The following PTPRK variants were observed in gnomAD, a reference collection of about 807,000 sequenced individuals.
PTPRK encodes protein tyrosine phosphatase receptor type K, also known as receptor-type tyrosine-protein phosphatase kappa.
PTPRK carries 75 observed loss-of-function variants against 178.0 expected under a neutral mutation model. That is an observed-to-expected ratio of 0.42 (90% CI 0.35 to 0.51). The LOEUF is 0.51. PTPRK is among the 20% of genes least tolerant of loss of function. The pLI is 0.02. For missense variants in PTPRK, 1,441 were observed against 1,797.8 expected, an observed-to-expected ratio of 0.80 and a Z score of 3.59; for synonymous variants, 637 against 620.6, an observed-to-expected ratio of 1.03 and a Z score of -0.39.
chr6:128,108,475 A>C (rs1414263545), intron 7 of PTPRK, among the ~76,000 whole-genome samples: 1 of 152,190 alleles, frequency 6.6e-6, no homozygotes, highest in East Asian at 1.9e-4. Flanking sequence ...TAAATTTTAC[A>C]AAAGAGGAAA....
intron 7 of PTPRK, among the ~76,000 whole-genome samples, chr6:128,139,709 G>A (rs1795504421): frequency 1.3e-5 from 2 of 151,936 alleles, no homozygotes; most frequent in Non-Finnish European, 2.9e-5. Context: ...TTTCTGATGA[G>A]TCATCTGGAC....
chr6:128,370,946 A>G (rs773717408), intron 2 of PTPRK, among the ~76,000 whole-genome samples: 1 of 152,136 alleles, frequency 6.6e-6, no homozygotes, highest in Non-Finnish European at 1.5e-5. Flanking sequence ...TAAGTTTACC[A>G]TGTCTTGTGG....
At position 128,432,443 on chromosome 6, in the gene PTPRK, C is replaced by A. The variant is rs180966929; in HGVS notation, c.101-34755G>T. Among the ~76,000 whole-genome samples the A allele has an allele frequency of 2.4e-4, 36 of 152,214 alleles. No homozygotes were observed. In the East Asian group the frequency reaches 4.6e-3, roughly 20 times the overall value. On this transcript the variant is annotated intron_variant, in intron 1 of 29. Coordinates refer to ENST00000368226, the MANE Select transcript of PTPRK (RefSeq NM_002844.4). ...ATTTTTCTTATTATAAAACTCTGTCCATTTATAGTTATGTAATAATGAGCC... is the reference window on the plus strand; with the variant it reads ...ATTTTTCTTATTATAAAACTCTGTCAATTTATAGTTATGTAATAATGAGCC...
chr6:128,033,093 T>C (rs1345817048), intron 13 of PTPRK, among the ~76,000 whole-genome samples: 1 of 152,206 alleles, frequency 6.6e-6, no homozygotes, highest in Non-Finnish European at 1.5e-5. Flanking sequence ...GGGATAGATG[T>C]AGGAAATCTA....
chr6:128,058,015 T>C (rs1328971855), intron 13 of PTPRK, among the ~76,000 whole-genome samples: 1 of 152,244 alleles, frequency 6.6e-6, no homozygotes, highest in Non-Finnish European at 1.5e-5. Context: ...TTGCATTCTT[T>C]GCTTTAGAGC....
intron 7 of PTPRK, among the ~76,000 whole-genome samples, chr6:128,091,316 A>C (rs967900855): frequency 6.6e-6 from 1 of 152,190 alleles, no homozygotes; most frequent in Non-Finnish European, 1.5e-5. Flanking sequence ...GAGGCTTTCT[A>C]ATTATTTTAA....
At chr6:128,275,009 G>GA (rs143440286) in intron 3 of PTPRK, among the ~76,000 whole-genome samples, 4 of 151,962 alleles carry the variant, frequency 2.6e-5, no homozygotes, top group Middle Eastern at 3.4e-3. Flanking sequence ...CCAAAGAGAA[G>GA]AAAAAAATAA....
intron 21 of PTPRK, 120 bp from the exon 22 acceptor site, chr6:127,985,995 G>A: frequency 1.1e-6 from 1 of 933,326 alleles, no homozygotes; most frequent in East Asian, 2.7e-5. Flanking sequence ...CTTTACGAAA[G>A]ACTATGCCTT....
intron 15 of PTPRK, among the ~76,000 whole-genome samples, chr6:128,001,978 C>T (rs1777882527): frequency 6.6e-6 from 1 of 151,836 alleles, no homozygotes; most frequent in South Asian, 2.1e-4. Flanking sequence ...TGATTTATGG[C>T]TCCTCCCTGT....
At chr6:128,003,502 A>G (rs141861134) in intron 15 of PTPRK, among the ~76,000 whole-genome samples, 1 of 151,810 alleles carries the variant, frequency 6.6e-6, no homozygotes, top group Non-Finnish European at 1.5e-5. Context: ...AGAAAAAAAA[A>G]CCCATGTATT....
At chr6:128,094,457 T>C (rs1246987734) in intron 7 of PTPRK, among the ~76,000 whole-genome samples, 2 of 152,168 alleles carry the variant, frequency 1.3e-5, no homozygotes, top group East Asian at 3.9e-4. Context: ...ATTTGAGTTA[T>C]GTGAATGGAT....
chr6:128,300,297 T>C (rs980364600), intron 3 of PTPRK, among the ~76,000 whole-genome samples: 1 of 152,076 alleles, frequency 6.6e-6, no homozygotes, highest in African/African-American at 2.4e-5. Context: ...GTTCAACCCC[T>C]GTGGAAGTCA....
At position 128,333,324 on chromosome 6, in the gene PTPRK, A is replaced by T. The variant is rs908879903; in HGVS notation, c.224-11014T>A. On this transcript the variant is annotated intron_variant, in intron 2 of 29. Transcript: ENST00000368226. ...AAGAGAATGAGTGCACAACACATCT[A>T]TGATTTCTATGTAAATGAATATTCT... Among the ~76,000 whole-genome samples, 3 of 152,170 alleles carry T rather than the reference A, an allele frequency of 2.0e-5. No individual in the cohort carries two copies. In the East Asian group the frequency reaches 5.8e-4, roughly 29 times the overall value.
At chr6:128,150,322 G>A (rs190164853) in intron 7 of PTPRK, among the ~76,000 whole-genome samples, 1 of 152,140 alleles carries the variant, frequency 6.6e-6, no homozygotes, top group East Asian at 1.9e-4. Context: ...GTGGTCAATA[G>A]GCTAAATAAA....
chr6:128,308,838 G>T (rs538950356), intron 3 of PTPRK, among the ~76,000 whole-genome samples: 1 of 152,118 alleles, frequency 6.6e-6, no homozygotes, highest in African/African-American at 2.4e-5. Context: ...ATAAACTTTC[G>T]CCAAGCTTTG....
chr6:128,403,839 A>C (rs527680956), intron 1 of PTPRK, among the ~76,000 whole-genome samples: 10 of 152,308 alleles, frequency 6.6e-5, no homozygotes, highest in African/African-American at 2.2e-4. Context: ...TTAGCGTAGG[A>C]GTCAGCAAAC....
intron 7 of PTPRK, among the ~76,000 whole-genome samples, chr6:128,169,933 A>G (rs1453093624): frequency 6.6e-6 from 1 of 152,000 alleles, no homozygotes; most frequent in African/African-American, 2.4e-5. Context: ...TTTATTTGAA[A>G]AACAAAATAA....
intron 2 of PTPRK, among the ~76,000 whole-genome samples, chr6:128,386,940 T>A (rs1002135746): frequency 6.6e-6 from 1 of 152,086 alleles, no homozygotes; most frequent in Non-Finnish European, 1.5e-5. Context: ...TGGTGGTGCA[T>A]GCCTGTAATC....
intron 7 of PTPRK, among the ~76,000 whole-genome samples, chr6:128,129,883 T>C (rs1793947145): frequency 6.6e-6 from 1 of 152,150 alleles, no homozygotes; most frequent in Non-Finnish European, 1.5e-5. Context: ...TTGCTTAGGC[T>C]GAAAGGAAAA....
Sources: gnomAD v4.1 joint callset for allele counts (sites outside exome capture counted in the v4.1 genomes callset) on GRCh38, gnomAD v4.1.1 for gene constraint, MANE v1.5 for transcripts, NCBI Gene and HGNC (gene_info 2026-07-23, HGNC 2026-07-21) for gene names.